The following PGM5 variants were observed in gnomAD, a reference collection of about 807,000 sequenced individuals.
PGM5 encodes the protein phosphoglucomutase 5.
Under a neutral mutation model 59.2 loss-of-function variants are expected in PGM5, and 23 were observed. That is an observed-to-expected ratio of 0.39 (90% CI 0.28 to 0.55). The LOEUF (loss-of-function observed/expected upper bound fraction) is 0.55, where lower values mean the gene tolerates loss of function less well. Ranked by LOEUF, PGM5 falls within the 20% of genes least tolerant of loss-of-function variation. PGM5 has a pLI of 0.66. For missense variants in PGM5, 574 were observed against 748.3 expected, an observed-to-expected ratio of 0.77 and a Z score of 2.72; for synonymous variants, 214 against 286.0, an observed-to-expected ratio of 0.75 and a Z score of 2.54.
intron 6 of PGM5, among the ~76,000 whole-genome samples, chr9:68,399,859 T>C (rs1440587917): frequency 6.6e-6 from 1 of 152,178 alleles, no homozygotes; most frequent in African/African-American, 2.4e-5. Context: ...GCAACTTTTC[T>C]AATTTTTCCT....
At chr9:68,509,384 C>G (rs1824708908) in intron 10 of PGM5, among the ~76,000 whole-genome samples, 1 of 152,160 alleles carries the variant, frequency 6.6e-6, no homozygotes, top group Non-Finnish European at 1.5e-5. Context: ...TTTGTTGGTA[C>G]AAATCATCAC....
At chr9:68,434,648 A>C (rs933463226) in intron 6 of PGM5, among the ~76,000 whole-genome samples, 1 of 152,052 alleles carries the variant, frequency 6.6e-6, no homozygotes, top group Non-Finnish European at 1.5e-5. Flanking sequence ...TCTACTAAAA[A>C]CACAAAGTTT....
chr9:68,454,306 C>T (rs1327016729), intron 6 of PGM5, among the ~76,000 whole-genome samples: 1 of 152,124 alleles, frequency 6.6e-6, no homozygotes, highest in Non-Finnish European at 1.5e-5. Context: ...TGTTACTTGC[C>T]CTCTCCACTA....
At chr9:68,367,489 C>T (rs1349004412) in intron 1 of PGM5, among the ~76,000 whole-genome samples, 2 of 152,192 alleles carry the variant, frequency 1.3e-5, no homozygotes, top group Non-Finnish European at 2.9e-5. Flanking sequence ...TGTGGGAGCT[C>T]ACGGTGCTTT....
chr9:68,494,845 T>C (rs576031700), intron 9 of PGM5, among the ~76,000 whole-genome samples: 66 of 152,368 alleles, frequency 4.3e-4, no homozygotes, highest in African/African-American at 1.5e-3. Flanking sequence ...TCAAGGTAGA[T>C]ACATCAGCTC....
chr9:68,489,504 C>T (rs1225006146), intron 9 of PGM5, among the ~76,000 whole-genome samples: 2 of 144,488 alleles, frequency 1.4e-5, no homozygotes, highest in Non-Finnish European at 3.0e-5. Context: ...CTGGCTCTGT[C>T]GCCCAGGCTG....
At chr9:68,508,786 G>A (rs1824698030) in intron 10 of PGM5, among the ~76,000 whole-genome samples, 1 of 152,236 alleles carries the variant, frequency 6.6e-6, no homozygotes. Flanking sequence ...TAGCCCAGAT[G>A]CACAGCACAA....
At chr9:68,383,451 G>T (rs1170998943) in intron 2 of PGM5, among the ~76,000 whole-genome samples, 1 of 151,938 alleles carries the variant, frequency 6.6e-6, no homozygotes, top group Non-Finnish European at 1.5e-5. Context: ...TACAATTGCA[G>T]CACACCTCAA....
chr9:68,433,537 A>G (rs1157198025), intron 6 of PGM5, among the ~76,000 whole-genome samples: 3 of 152,212 alleles, frequency 2.0e-5, no homozygotes, highest in Non-Finnish European at 2.9e-5. Context: ...CAGTTTTTTG[A>G]AAGCTGAGAG....
intron 10 of PGM5, among the ~76,000 whole-genome samples, chr9:68,509,684 C>T (rs1002669114): frequency 8.5e-6 from 1 of 117,278 alleles, no homozygotes; most frequent in Admixed American, 1.0e-4. Context: ...TGGAGATTCT[C>T]TGGGAAAGGT....
chr9:68,468,466 C>A (rs1166795915), intron 7 of PGM5, among the ~76,000 whole-genome samples: 1 of 152,132 alleles, frequency 6.6e-6, no homozygotes, highest in Non-Finnish European at 1.5e-5. Context: ...CTTTTAGTTT[C>A]CAATTAAAGG....
intron 9 of PGM5, among the ~76,000 whole-genome samples, chr9:68,487,458 G>GCA (rs1267176956): frequency 2.2e-5 from 2 of 90,666 alleles, no homozygotes; most frequent in Non-Finnish European, 2.2e-5. Flanking sequence ...TGTGTCACAC[G>GCA]CACATACACA....
intron 6 of PGM5, among the ~76,000 whole-genome samples, chr9:68,454,714 C>T (rs782253254): frequency 6.6e-6 from 1 of 152,102 alleles, no homozygotes; most frequent in South Asian, 2.1e-4. Flanking sequence ...GGTGGAGCTG[C>T]GTGGGGACTG....
intron 6 of PGM5, among the ~76,000 whole-genome samples, chr9:68,411,276 A>T (rs1173426809): frequency 6.6e-6 from 1 of 151,972 alleles, no homozygotes; most frequent in Admixed American, 6.6e-5. Context: ...TGTAGTCCCA[A>T]CTACCCCAGA....
chr9:68,517,136 G>A (rs535123785), intron 10 of PGM5, among the ~76,000 whole-genome samples: 20 of 151,498 alleles, frequency 1.3e-4, no homozygotes, highest in South Asian at 1.3e-3. Context: ...TGCCCGCCTC[G>A]GCCTACCAAA....
intron 7 of PGM5, among the ~76,000 whole-genome samples, chr9:68,467,710 T>C (rs1823956203): frequency 6.6e-6 from 1 of 152,192 alleles, no homozygotes; most frequent in Non-Finnish European, 1.5e-5. Context: ...TATTTATTCA[T>C]TGAAGAAACT....
chr9:68,526,228 G>A (rs553134097), intron 10 of PGM5, among the ~76,000 whole-genome samples: 5 of 152,316 alleles, frequency 3.3e-5, no homozygotes, highest in Non-Finnish European at 7.4e-5. Flanking sequence ...TGAAAAGACT[G>A]AACATCAGTG....
intron 6 of PGM5, among the ~76,000 whole-genome samples, chr9:68,441,418 A>G (rs1375915627): frequency 1.3e-5 from 2 of 152,142 alleles, no homozygotes; most frequent in Non-Finnish European, 2.9e-5. Context: ...GCAGTATATA[A>G]AAAGAAAAGT....
chr9:68,373,763 C>T (rs4014852), intron 1 of PGM5, among the ~76,000 whole-genome samples: 1 of 145,838 alleles, frequency 6.9e-6, no homozygotes, highest in Non-Finnish European at 1.5e-5. Flanking sequence ...TCACTCACAC[C>T]ATAGTCCAAT....
Sources: gnomAD v4.1 joint callset for allele counts (sites outside exome capture counted in the v4.1 genomes callset) on GRCh38, gnomAD v4.1.1 for gene constraint, MANE v1.5 for transcripts, NCBI Gene and HGNC (gene_info 2026-07-23, HGNC 2026-07-21) for gene names.